MCPH1: variants seen among roughly 807,000 people sequenced by gnomAD.
MCPH1 encodes microcephalin 1, also known as microcephalin.
A neutral mutation model predicts 84.5 loss-of-function variants in MCPH1; 104 were observed. The ratio of observed to expected loss-of-function variants is 1.23; its 90% confidence interval spans 1.05 to 1.45. The LOEUF is 1.45. Among genes scored for constraint, MCPH1 ranks in the 40% most tolerant of loss-of-function variants. The pLI is 0.00. For missense variants in MCPH1, 1,498 were observed against 1,005.7 expected, an observed-to-expected ratio of 1.49 and a Z score of -6.62; for synonymous variants, 514 against 366.8, an observed-to-expected ratio of 1.40 and a Z score of -4.58.
intron 12 of MCPH1, among the ~76,000 whole-genome samples, chr8:6,553,224 C>T: frequency 6.6e-6 from 1 of 152,164 alleles, no homozygotes; most frequent in South Asian, 2.1e-4. Context: ...GAACTCTCTG[C>T]ACTTTACTCT....
intron 3 of MCPH1, among the ~76,000 whole-genome samples, chr8:6,419,246 G>T (rs1026786169): frequency 2.0e-5 from 3 of 151,600 alleles, no homozygotes; most frequent in Non-Finnish European, 4.4e-5. Context: ...TGAAGACAGG[G>T]TCTTGCTCTG....
intron 13 of MCPH1, among the ~76,000 whole-genome samples, chr8:6,642,296 T>C (rs1212340725): frequency 6.6e-6 from 1 of 152,136 alleles, no homozygotes; most frequent in African/African-American, 2.4e-5. Context: ...TAGAATGCAG[T>C]GCGCTTGCCA....
At chr8:6,498,860 C>T (rs1398940057) in intron 11 of MCPH1, among the ~76,000 whole-genome samples, 1 of 151,922 alleles carries the variant, frequency 6.6e-6, no homozygotes, top group Non-Finnish European at 1.5e-5. Flanking sequence ...ACCAGCCTGG[C>T]CAACACGGTG....
intron 13 of MCPH1, chr8:6,627,091 C>T (rs1796785081): frequency 2.0e-6 from 2 of 985,240 alleles, no homozygotes; most frequent in Admixed American, 6.2e-5. Context: ...GATCCGATAG[C>T]ATGCAGGCCT....
In MCPH1 at chr8:6,623,822, T is replaced by C. The variant is rs535426475; in HGVS notation, c.2452+2131T>C. Reference sequence around the variant, plus strand: ...ATCCTATGTTCTGAAACAGAGGTTGTTGTTTTGTTTTTCTGGAGAAGTGTA... The same window carrying C: ...ATCCTATGTTCTGAAACAGAGGTTGCTGTTTTGTTTTTCTGGAGAAGTGTA... On this transcript the variant is annotated intron_variant, in intron 13 of 13. Coordinates refer to ENST00000344683, the MANE Select transcript of MCPH1 (RefSeq NM_024596.5). 6.6e-5 allele frequency among the ~76,000 whole-genome samples: 10 copies of C among 152,082 alleles called. No individual in the cohort carries two copies. In the South Asian group the frequency reaches 2.1e-3, roughly 32 times the overall value.
chr8:6,629,639 A>G (rs2129582008), intron 13 of MCPH1, among the ~76,000 whole-genome samples: 2 of 152,290 alleles, frequency 1.3e-5, no homozygotes, highest in South Asian at 4.2e-4. Context: ...CCTGCCCTCC[A>G]GAACTGTGAA....
At chr8:6,416,156 T>G (rs2515440) in intron 3 of MCPH1, among the ~76,000 whole-genome samples, 150,324 of 152,340 alleles carry the variant, frequency 0.99, 74,189 homozygotes, top group East Asian at 1. Context: ...CAAATTTGCT[T>G]AACTTGTTTA....
intron 4 of MCPH1, among the ~76,000 whole-genome samples, chr8:6,433,974 G>A (rs139846536): frequency 0.011 from 1,613 of 152,114 alleles, 9 homozygotes; most frequent in South Asian, 0.041. Flanking sequence ...CCCTCTGTCT[G>A]GAACATTCTT....
intron 13 of MCPH1, among the ~76,000 whole-genome samples, chr8:6,630,122 A>T (rs76000871): frequency 1.3e-5 from 2 of 152,222 alleles, no homozygotes; most frequent in Non-Finnish European, 2.9e-5. Flanking sequence ...AGAACACAGG[A>T]GGAAAGAAAT....
intron 3 of MCPH1, among the ~76,000 whole-genome samples, chr8:6,428,869 AC>A (rs1801442770): frequency 6.6e-6 from 1 of 152,000 alleles, no homozygotes; most frequent in African/African-American, 2.4e-5. Context: ...CTCCTTTCAC[AC>A]TTGTGGCTGC....
intron 12 of MCPH1, among the ~76,000 whole-genome samples, chr8:6,538,834 G>A (rs1443429266): frequency 1.3e-5 from 2 of 152,160 alleles, no homozygotes; most frequent in African/African-American, 4.8e-5. Context: ...GTAACAACAA[G>A]CAAAACATCC....
intron 13 of MCPH1, among the ~76,000 whole-genome samples, chr8:6,638,898 A>G (rs1042995073): frequency 6.6e-6 from 1 of 152,198 alleles, no homozygotes; most frequent in Non-Finnish European, 1.5e-5. Context: ...CAGTGGTCAG[A>G]TGCGCTTCAG....
chr8:6,512,392 C>T (rs1034694816), intron 12 of MCPH1, among the ~76,000 whole-genome samples: 30 of 152,246 alleles, frequency 2.0e-4, no homozygotes, highest in African/African-American at 6.5e-4. Context: ...CTGACTTGGG[C>T]ATTAATGAGA....
intron 1 of MCPH1, chr8:6,406,970 C>G (rs1417518153): frequency 9.8e-6 from 5 of 511,222 alleles, no homozygotes; most frequent in Admixed American, 3.1e-5. Flanking sequence ...TGCCTGCTTC[C>G]TCCCCCGTAC....
chr8:6,416,941 C>T (rs1409908655), intron 3 of MCPH1, among the ~76,000 whole-genome samples: 1 of 151,664 alleles, frequency 6.6e-6, no homozygotes. Context: ...TTGCAGTGAA[C>T]CAAGACCACG....
At chr8:6,425,777 G>A (rs1285925090) in intron 3 of MCPH1, among the ~76,000 whole-genome samples, 3 of 152,228 alleles carry the variant, frequency 2.0e-5, no homozygotes, top group African/African-American at 4.8e-5. Flanking sequence ...TTGTGCAATA[G>A]GAGGCAATGG....
intron 9 of MCPH1, among the ~76,000 whole-genome samples, chr8:6,470,225 T>A (rs1807535833): frequency 6.6e-6 from 1 of 152,184 alleles, no homozygotes; most frequent in African/African-American, 2.4e-5. Context: ...GAGCTGTCCA[T>A]ATAATAGAAT....
At chr8:6,594,734 A>G (rs189288689) in intron 12 of MCPH1, among the ~76,000 whole-genome samples, 1 of 143,142 alleles carries the variant, frequency 7.0e-6, no homozygotes, top group African/African-American at 2.8e-5. Context: ...GGAAGGGAGG[A>G]TTGGCCTGTC....
chr8:6,431,260 A>T (rs899823461), intron 3 of MCPH1, among the ~76,000 whole-genome samples: 1 of 152,172 alleles, frequency 6.6e-6, no homozygotes, highest in Non-Finnish European at 1.5e-5. Context: ...GTTGTGTAAA[A>T]ATTGTACTTC....
Sources: gnomAD v4.1 joint callset for allele counts (sites outside exome capture counted in the v4.1 genomes callset) on GRCh38, gnomAD v4.1.1 for gene constraint, MANE v1.5 for transcripts, NCBI Gene and HGNC (gene_info 2026-07-23, HGNC 2026-07-21) for gene names.